TMEM266: variants seen among roughly 807,000 people sequenced by gnomAD.
TMEM266 encodes the protein Hv1 related protein 1.
A neutral mutation model predicts 50.5 loss-of-function variants in TMEM266; 33 were observed. The observed-to-expected ratio is 0.65, with a 90% CI of 0.50 to 0.87. The LOEUF is 0.87. TMEM266 is among the 40% of genes least tolerant of loss of function. TMEM266 has a pLI of 0.00. For synonymous variants in TMEM266, 310 were observed against 292.3 expected (o/e 1.06, Z -0.62); for missense variants, 655 against 695.1 (o/e 0.94, Z 0.65).
intron 1 of TMEM266, among the ~76,000 whole-genome samples, chr15:76,099,117 C>T (rs2036962078): frequency 1.3e-5 from 2 of 152,180 alleles, no homozygotes; most frequent in African/African-American, 4.8e-5. Context: ...GTTCCAGGCG[C>T]CACTGGGGTA....
At chr15:76,092,306 A>T (rs902739034) in intron 1 of TMEM266, among the ~76,000 whole-genome samples, 1 of 152,132 alleles carries the variant, frequency 6.6e-6, no homozygotes, top group African/African-American at 2.4e-5. Context: ...AACTTTGTAT[A>T]GTTTCAGAAC....
intron 1 of TMEM266, among the ~76,000 whole-genome samples, chr15:76,101,266 G>T (rs2036995747): frequency 6.6e-6 from 1 of 152,162 alleles, no homozygotes. Context: ...GAGTTGCCAT[G>T]ACAACTACAG....
intron 8 of TMEM266, among the ~76,000 whole-genome samples, chr15:76,178,042 G>A (rs931353500): frequency 6.6e-6 from 1 of 152,192 alleles, no homozygotes; most frequent in African/African-American, 2.4e-5. Context: ...AGTGCCCCCG[G>A]GGTTCGGGGC....
intron 1 of TMEM266, among the ~76,000 whole-genome samples, chr15:76,089,568 G>A (rs1378837938): frequency 2.6e-5 from 4 of 152,136 alleles, no homozygotes; most frequent in Non-Finnish European, 5.9e-5. Flanking sequence ...TGGAAATGGG[G>A]AGAGATAAAT....
At chr15:76,183,624 C>T (rs2038453205) in intron 8 of TMEM266, among the ~76,000 whole-genome samples, 1 of 152,282 alleles carries the variant, frequency 6.6e-6, no homozygotes. Flanking sequence ...AAGAAGAAAA[C>T]AGTCGCCTGC....
Position 76,170,533 on chromosome 15 carries a change from A to G in TMEM266, c.514-460A>G, listed in dbSNP as rs150496499. On this transcript the variant is annotated intron_variant, in intron 6 of 10. Coordinates refer to ENST00000388942, the MANE Select transcript of TMEM266 (RefSeq NM_152335.3). ...ATTGTGCAGGCTGGGCCCACTTCTC[A>G]CCTAGCCCTGCCCCGCTGGAGAGTT... is the stretch of plus-strand genomic sequence containing the variant. Among the ~76,000 whole-genome samples, 513 of 151,558 alleles carry G rather than the reference A, an allele frequency of 3.4e-3. 2 individuals are homozygous for G. The highest frequency in any genetic ancestry group is 0.012 in the African/African-American group (489 of 41,312).
At chr15:76,192,998 A>G (rs2038604816) in intron 9 of TMEM266, among the ~76,000 whole-genome samples, 1 of 152,214 alleles carries the variant, frequency 6.6e-6, no homozygotes, top group Non-Finnish European at 1.5e-5. Context: ...TGTCCCCTGC[A>G]GGGCAGTGAG....
intron 8 of TMEM266, among the ~76,000 whole-genome samples, chr15:76,182,407 C>T (rs373269502): frequency 6.6e-6 from 1 of 151,882 alleles, no homozygotes; most frequent in African/African-American, 2.4e-5. Context: ...GAGGCCGAGG[C>T]GGGCAGATCA....
At chr15:76,129,162 A>C (rs79418432) in intron 1 of TMEM266, among the ~76,000 whole-genome samples, 1,851 of 152,292 alleles carry the variant, frequency 0.012, 37 homozygotes, top group African/African-American at 0.043. Flanking sequence ...ATTAATTGAT[A>C]TAGGAAGCAA....
At chr15:76,118,605 C>T (rs1432490430) in intron 1 of TMEM266, among the ~76,000 whole-genome samples, 1 of 152,214 alleles carries the variant, frequency 6.6e-6, no homozygotes, top group African/African-American at 2.4e-5. Context: ...CCTTATACTG[C>T]TTTGCATCTT....
intron 10 of TMEM266, among the ~76,000 whole-genome samples, chr15:76,203,201 G>C (rs943727205): frequency 6.6e-6 from 1 of 151,878 alleles, no homozygotes; most frequent in Non-Finnish European, 1.5e-5. Flanking sequence ...CTGAAACTGA[G>C]TCATTCCTCA....
intron 1 of TMEM266, among the ~76,000 whole-genome samples, chr15:76,108,315 A>G (rs1444005919): frequency 6.6e-6 from 1 of 152,230 alleles, no homozygotes; most frequent in East Asian, 1.9e-4. Flanking sequence ...CCAGCCAGTC[A>G]GCAGCCTTCC....
chr15:76,079,926 GTAAA>G lies in TMEM266; in HGVS notation c.-97+19917_-97+19920del, dbSNP rs758566106. Reference sequence around the variant, plus strand: ...AAGACTAGAGTGAATCTTGATTATGGTAAATAAATATGAGGTCAACAACAGCACA... The same window carrying G: ...AAGACTAGAGTGAATCTTGATTATGGTAAATATGAGGTCAACAACAGCACA... On this transcript the variant is annotated intron_variant, in intron 1 of 10. Transcript: ENST00000388942. Among the ~76,000 whole-genome samples, 288 of 152,088 alleles carry G rather than the reference GTAAA, an allele frequency of 1.9e-3. 1 individual carries two copies. The highest frequency in any genetic ancestry group is 6.6e-4 in the Non-Finnish European group (45 of 67,990).
rs1468906564 is a variant in TMEM266, at chr15:76,115,945, AGT to A, written c.-96-18221_-96-18220del. 4.9e-4 allele frequency among the ~76,000 whole-genome samples: 74 copies of A among 152,298 alleles called. 1 individual carries two copies. The South Asian group carries it at 0.011, about 22-fold the overall frequency. On this transcript the variant is annotated intron_variant, in intron 1 of 10. Transcript: ENST00000388942. The stretch of plus-strand genomic sequence containing the variant: ...ACAACAGTGATGTTTTTACTGGAGC[AGT>A]GCTCAGCAGATGCTCGGTGTTGCTG...
intron 1 of TMEM266, among the ~76,000 whole-genome samples, chr15:76,130,187 C>T (rs1426849129): frequency 1.5e-5 from 2 of 129,292 alleles, no homozygotes; most frequent in Admixed American, 1.9e-4. Context: ...TATCACTGCA[C>T]TCCAGTCTGG....
intron 8 of TMEM266, among the ~76,000 whole-genome samples, chr15:76,178,962 G>T (rs2038347920): frequency 6.6e-6 from 1 of 152,202 alleles, no homozygotes; most frequent in African/African-American, 2.4e-5. Flanking sequence ...AGTCTGTGGT[G>T]CCCACTCCAC....
In TMEM266 at chr15:76,137,868, A is replaced by G. The variant is rs201363747; in HGVS notation, c.200A>G (p.Asn67Ser). ...ACGGCGGGCTCGCAGCTCCTGTCAA[A>G]TCTGGACGAAGATTACCAAAGAGAA... Residue 67 changes from asparagine to serine, a missense_variant, in exon 3 of 11, where the codon AAT becomes AGT. Transcript: ENST00000388942. 265 of 1,593,876 alleles carry G rather than the reference A, an allele frequency of 1.7e-4. 1 individual carries two copies. Among genetic ancestry groups the G allele is most frequent in the Non-Finnish European group, 3.3e-5 (39 of 1,170,628 alleles).
intron 3 of TMEM266, among the ~76,000 whole-genome samples, chr15:76,155,891 A>T (rs879369816): frequency 3.3e-5 from 5 of 152,218 alleles, no homozygotes; most frequent in African/African-American, 4.8e-5. Context: ...GATGCTCTCA[A>T]ATGCCAGAGC....
chr15:76,181,846 C>T (rs190107907), intron 8 of TMEM266, among the ~76,000 whole-genome samples: 8 of 152,288 alleles, frequency 5.3e-5, no homozygotes, highest in Admixed American at 1.3e-4. Flanking sequence ...GCTCTAGTTC[C>T]GAAACACATT....
Sources: allele counts gnomAD v4.1 joint callset (sites outside exome capture counted in the v4.1 genomes callset), GRCh38; gene constraint gnomAD v4.1.1; transcripts MANE v1.5; gene names NCBI Gene and HGNC (gene_info 2026-07-23, HGNC 2026-07-21).